The following SPATA6L variants were observed in gnomAD, a reference collection of about 807,000 sequenced individuals.
SPATA6L encodes the protein spermatogenesis associated 6 like.
In SPATA6L, 68 loss-of-function variants were observed where a neutral mutation model predicts 49.2. That is an observed-to-expected ratio of 1.38 (90% CI 1.14 to 1.69). The LOEUF (loss-of-function observed/expected upper bound fraction) is 1.69, where lower values mean the gene tolerates loss of function less well. Ranked by LOEUF, SPATA6L falls within the 40% of genes most tolerant of loss-of-function variation. SPATA6L has a pLI of 0.00. For synonymous variants in SPATA6L, 198 were observed against 165.7 expected, an observed-to-expected ratio of 1.19 and a Z score of -1.50; for missense variants, 668 against 464.3, an observed-to-expected ratio of 1.44 and a Z score of -4.03.
intron 9 of SPATA6L, among the ~76,000 whole-genome samples, chr9:4,616,721 G>T (rs914474000): frequency 4.6e-5 from 7 of 152,188 alleles, no homozygotes; most frequent in African/African-American, 1.7e-4. Context: ...GAGTAGCTGG[G>T]ATTACAGGCA....
At chr9:4,598,168 C>T (rs538405494), downstream of SPATA6L, among the ~76,000 whole-genome samples, 35 of 152,084 alleles carry the variant, frequency 2.3e-4, no homozygotes, top group African/African-American at 8.2e-4. Flanking sequence ...GTTTGGAGGG[C>T]CTAGGTTCCA....
chr9:4,610,753 T>C (rs1826512500), intron 9 of SPATA6L, among the ~76,000 whole-genome samples: 1 of 151,328 alleles, frequency 6.6e-6, no homozygotes, highest in South Asian at 2.1e-4. Flanking sequence ...ACTTCATGTC[T>C]AAAACACCAA....
chr9:4,659,645 C>T (rs1439379542), intron 2 of SPATA6L, among the ~76,000 whole-genome samples: 3 of 152,160 alleles, frequency 2.0e-5, no homozygotes, highest in African/African-American at 7.2e-5. Context: ...ATCAAGCTAC[C>T]AATGACTTTC....
intron 3 of SPATA6L, among the ~76,000 whole-genome samples, chr9:4,654,002 T>C (rs1412337378): frequency 6.6e-6 from 1 of 152,124 alleles, no homozygotes; most frequent in East Asian, 1.9e-4. Context: ...TGAATAGACA[T>C]TTCCCCCAAA....
chr9:4,649,479 G>T (rs949501635), intron 3 of SPATA6L, among the ~76,000 whole-genome samples: 1 of 152,102 alleles, frequency 6.6e-6, no homozygotes, highest in Non-Finnish European at 1.5e-5. Context: ...CAATGCAATG[G>T]CTATCCTCAT....
downstream of SPATA6L, among the ~76,000 whole-genome samples, chr9:4,594,234 G>C (rs1822088284): frequency 6.6e-6 from 1 of 151,892 alleles, no homozygotes; most frequent in African/African-American, 2.4e-5. Flanking sequence ...TTGTTTTTCG[G>C]AGTCTCGCTC....
intron 9 of SPATA6L, among the ~76,000 whole-genome samples, chr9:4,610,891 C>T (rs921475281): frequency 2.0e-5 from 3 of 150,998 alleles, no homozygotes; most frequent in African/African-American, 7.3e-5. Flanking sequence ...TTTTTGCAAC[C>T]TACTCATCTG....
chr9:4,663,939 C>T (rs767214317), intron 1 of SPATA6L: 2 of 167,026 alleles, frequency 1.2e-5, no homozygotes, highest in Admixed American at 6.5e-5. Context: ...CCCTCCATCC[C>T]TCAAAAGATC....
chr9:4,589,637 T>G (rs570303795), intron 13 of SPATA6L, among the ~76,000 whole-genome samples: 18 of 152,328 alleles, frequency 1.2e-4, no homozygotes, highest in African/African-American at 4.3e-4. Flanking sequence ...AGAGAGGGGT[T>G]TGAGATGCTT....
chr9:4,606,350 C>T (rs1273619708), intron 9 of SPATA6L, among the ~76,000 whole-genome samples: 1 of 138,796 alleles, frequency 7.2e-6, no homozygotes, highest in Non-Finnish European at 1.5e-5. Flanking sequence ...GGGCAGGGCA[C>T]AGACAAACAA....
intron 3 of SPATA6L, among the ~76,000 whole-genome samples, chr9:4,648,915 G>C (rs1245260980): frequency 6.6e-6 from 1 of 152,016 alleles, no homozygotes; most frequent in East Asian, 1.9e-4. Context: ...TTATGAGTGA[G>C]AATATACGAT....
At chr9:4,637,332 G>A (rs546465171) in intron 3 of SPATA6L, among the ~76,000 whole-genome samples, 31 of 152,080 alleles carry the variant, frequency 2.0e-4, no homozygotes, top group Non-Finnish European at 3.5e-4. Context: ...CTTATCAGAA[G>A]GTGGCAACCC....
At chr9:4,601,082 A>G (rs1019554573) in intron 11 of SPATA6L, among the ~76,000 whole-genome samples, 4 of 152,248 alleles carry the variant, frequency 2.6e-5, no homozygotes, top group African/African-American at 9.6e-5. Context: ...GTGAAGAGTT[A>G]GCATTGCTAC....
chr9:4,652,887 T>G (rs1412371004), intron 3 of SPATA6L, among the ~76,000 whole-genome samples: 1 of 145,636 alleles, frequency 6.9e-6, no homozygotes, highest in Non-Finnish European at 1.5e-5. Context: ...ATAACCTAAA[T>G]GAATGGAAAC....
Position 4,660,290 on chromosome 9 carries a change from A to C in SPATA6L, c.177+1609T>G, listed in dbSNP as rs190027006. Among the ~76,000 whole-genome samples the C allele has an allele frequency of 7.9e-4, 121 of 152,334 alleles. 1 individual carries two copies. The highest frequency in any genetic ancestry group is 2.4e-4 in the Non-Finnish European group (16 of 68,028). ...TTTTGCAATCTACTCATCTGACAAA[A>C]GGGTTAATATCCAGAATCTACAAAG... On this transcript the variant is annotated intron_variant, in intron 2 of 11. Transcript: ENST00000682582.
chr9:4,608,587 T>C (rs1391112464), intron 9 of SPATA6L, among the ~76,000 whole-genome samples: 18 of 136,762 alleles, frequency 1.3e-4, no homozygotes, highest in Admixed American at 3.6e-4. Context: ...AAGATGTTCT[T>C]TGAAACCAAC....
At position 4,622,425 on chromosome 9, in the gene SPATA6L, G is replaced by A. The variant is rs374967508; in HGVS notation, c.755C>T (p.Pro252Leu). ...TCGAGTACCTCTTCTCGTTGGAAAC[G>A]GAAAGTCTGAAAACTTAGATTTTCT... ...SRRKSKFSDFPFPTRRASSLD... is the reference protein window; with the variant it reads ...SRRKSKFSDFLFPTRRASSLD... Residue 252 changes from proline to leucine, a missense_variant, in exon 7 of 12, where the codon CCG (proline) becomes CTG (leucine). Physicochemically the swap from Pro to Leu is moderately conservative, Grantham distance 98. Transcript: ENST00000682582. The A allele has an allele frequency of 4.1e-5, 66 of 1,611,756 alleles. 1 individual carries two copies. The highest frequency in any genetic ancestry group is 3.3e-4 in the Middle Eastern group (2 of 6,082).
At chr9:4,661,804 G>A in intron 2 of SPATA6L, 95 bp downstream of exon 2, 5 of 1,391,232 alleles carry the variant, frequency 3.6e-6, no homozygotes, top group Non-Finnish European at 4.8e-6. Context: ...TTTTAAAAAT[G>A]AAATTTACCA....
chr9:4,607,412 C>A (rs1825557481), intron 9 of SPATA6L, among the ~76,000 whole-genome samples: 1 of 152,082 alleles, frequency 6.6e-6, no homozygotes, highest in Non-Finnish European at 1.5e-5. Flanking sequence ...GGGTTACCCT[C>A]AAAGGGAAGC....
Sources: allele counts gnomAD v4.1 joint callset (sites outside exome capture counted in the v4.1 genomes callset), GRCh38; gene constraint gnomAD v4.1.1; transcripts MANE v1.5; gene names NCBI Gene and HGNC (gene_info 2026-07-23, HGNC 2026-07-21).